The following LAMA4 variants were observed in gnomAD, a reference collection of about 807,000 sequenced individuals.
LAMA4 encodes laminin subunit alpha 4.
In LAMA4, 127 loss-of-function variants were observed where a neutral mutation model predicts 207.1. That is an observed-to-expected ratio of 0.61 (90% CI 0.53 to 0.71). The LOEUF is 0.71. Ranked by LOEUF, LAMA4 falls within the 30% of genes least tolerant of loss-of-function variation. LAMA4 has a pLI of 0.00. For missense variants in LAMA4, 2,093 were observed against 2,246.5 expected (o/e 0.93, Z 1.38); for synonymous variants, 761 against 816.0 (o/e 0.93, Z 1.15).
At chr6:112,165,980 A>G (rs1330507445) in intron 12 of LAMA4, among the ~76,000 whole-genome samples, 1 of 152,220 alleles carries the variant, frequency 6.6e-6, no homozygotes, top group African/African-American at 2.4e-5. Context: ...TGAAAGAAAC[A>G]TAGAAAGAAA....
At chr6:112,116,042 G>T in intron 35 of LAMA4, 49 bp from the exon 36 acceptor site, 3 of 1,540,304 alleles carry the variant, frequency 1.9e-6, no homozygotes, top group Non-Finnish European at 1.8e-6. Context: ...GATCATATTT[G>T]TAACTATGGT....
chr6:112,227,882 G>A (rs2115116093), intron 2 of LAMA4, among the ~76,000 whole-genome samples: 1 of 151,968 alleles, frequency 6.6e-6, no homozygotes, highest in South Asian at 2.1e-4. Flanking sequence ...GGCTACATGT[G>A]CAACTCAAAG....
intron 30 of LAMA4, 149 bp from the exon 31 acceptor site, chr6:112,129,224 C>A: frequency 1.5e-6 from 1 of 661,578 alleles, no homozygotes; most frequent in Non-Finnish European, 2.6e-6. Context: ...GGTCCTTACC[C>A]ATCAACCACT....
chr6:112,241,152 T>TATATATACTC (rs1554187614), intron 2 of LAMA4, among the ~76,000 whole-genome samples: 1 of 98,486 alleles, frequency 1.0e-5, no homozygotes, highest in Non-Finnish European at 2.0e-5. Flanking sequence ...TATATATGAA[T>TATATATACTC]ATATATATGA....
intron 2 of LAMA4, among the ~76,000 whole-genome samples, chr6:112,250,236 T>C (rs1554189515): frequency 6.6e-6 from 1 of 152,172 alleles, no homozygotes; most frequent in Non-Finnish European, 1.5e-5. Flanking sequence ...TCAAAGCAAG[T>C]GACCAAGATA....
At position 112,253,728 on chromosome 6, in the gene LAMA4, C is replaced by A. The variant is rs1441116083; in HGVS notation, c.195+228G>T. The stretch of plus-strand genomic sequence containing the variant: ...CAGAGCACCAACACATGCACTCTCA[C>A]CCCTTTGAGCAGACACATTCCGAAG... On this transcript the variant is annotated intron_variant, in intron 2 of 38. Transcript: ENST00000230538. The A allele has an allele frequency of 3.1e-6, 5 of 1,611,782 alleles. No homozygotes were observed. In the African/African-American group the frequency reaches 5.3e-5, roughly 17 times the overall value.
intron 24 of LAMA4, among the ~76,000 whole-genome samples, chr6:112,138,553 T>C (rs1344144506): frequency 6.6e-6 from 1 of 152,128 alleles, no homozygotes; most frequent in African/African-American, 2.4e-5. Flanking sequence ...GAGAAAAACA[T>C]TTCTGTATCA....
chr6:112,250,012 G>A (rs550921437), intron 2 of LAMA4, among the ~76,000 whole-genome samples: 1 of 152,290 alleles, frequency 6.6e-6, no homozygotes, highest in Admixed American at 6.5e-5. Flanking sequence ...TGAGGGCAAA[G>A]ATGAGACTAT....
At chr6:112,237,716 C>T (rs2114325564) in intron 2 of LAMA4, among the ~76,000 whole-genome samples, 1 of 152,318 alleles carries the variant, frequency 6.6e-6, no homozygotes, top group East Asian at 1.9e-4. Flanking sequence ...TCTCCTTCAT[C>T]CTTACTCTTC....
At chr6:112,221,940 T>C (rs528642464) in intron 2 of LAMA4, among the ~76,000 whole-genome samples, 1 of 152,340 alleles carries the variant, frequency 6.6e-6, no homozygotes, top group South Asian at 2.1e-4. Context: ...CACAAGCCAT[T>C]TTTTTCTGTG....
rs147016335 is a variant in LAMA4 at position 112,207,088 on chromosome 6, C to T, written c.355G>A (p.Gly119Arg). Residue 119 changes from glycine (G) to arginine (R), a missense_variant, in exon 4 of 39, where the codon GGA becomes AGA. This residue lies in a region of LAMA4 where 1,704 missense variants were observed against 1,788.4 expected (regional missense o/e 0.95). Coordinates refer to ENST00000230538, the MANE Select transcript of LAMA4 (RefSeq NM_001105206.3). Reference sequence around the variant, plus strand: ...TGGGGTGCTCCCCTGATGGAATCTCCGATATAACCATCCAGACACTTTTCA... The same window carrying T: ...TGGGGTGCTCCCCTGATGGAATCTCTGATATAACCATCCAGACACTTTTCA... ...HCEKCLDGYI[G>R]DSIRGAPQFC... 27 of 1,613,924 alleles carry T rather than the reference C, an allele frequency of 1.7e-5. No individual in the cohort carries two copies. Among genetic ancestry groups the T allele is most frequent in the African/African-American group, 2.7e-5 (2 of 75,002 alleles).
intron 2 of LAMA4, among the ~76,000 whole-genome samples, chr6:112,239,321 C>CAAAAAAAAA (rs1202967086): frequency 2.6e-5 from 2 of 78,250 alleles, no homozygotes; most frequent in Non-Finnish European, 4.9e-5. Context: ...GACTCCATCT[C>CAAAAAAAAA]AAAAAAAAAA....
Position 112,134,574 on chromosome 6 carries a change from G to A in LAMA4, c.3450C>T (p.Ile1150=). The change falls in exon 26 of 39, where the codon ATC becomes ATT. Residue 1150 remains isoleucine, a synonymous_variant. Transcript: ENST00000230538. Reference sequence around the variant, plus strand: ...TGACATGCCTTCTGTCAACTACCAAGATCATTTTCTTATCATTGTGGTAAA... The same window carrying A: ...TGACATGCCTTCTGTCAACTACCAAAATCATTTTCTTATCATTGTGGTAAA... ...SIIYHNDKKM[I]LVVDRRHVKS... The A allele has an allele frequency of 1.2e-6, 2 of 1,610,650 alleles. No individual in the cohort carries two copies. The highest frequency in any genetic ancestry group is 2.2e-5 in the South Asian group (2 of 91,010).
chr6:112,184,629 T>C (rs1782576916), intron 9 of LAMA4, among the ~76,000 whole-genome samples: 1 of 152,212 alleles, frequency 6.6e-6, no homozygotes, highest in Non-Finnish European at 1.5e-5. Context: ...TTATTGAAAT[T>C]CTTTATGTTG....
chr6:112,218,223 T>A (rs781855006), intron 2 of LAMA4: 1 of 152,326 alleles, frequency 6.6e-6, no homozygotes, highest in East Asian at 1.9e-4. Flanking sequence ...GCCTCTTAAA[T>A]GGTGGTTTCT....
rs782345019 is a variant in LAMA4, at chr6:112,150,514, T to C, written c.2170A>G (p.Arg724Gly). ...DAVKQLQAAE[R>G]GDAQQRLGQS... is the part of the protein sequence containing the mutation. ...TTCAATTCTCTCTGATGCTTACCTC[T>C]CTCTGCTGCTTGTAGTTGCTTAACG... The change falls in exon 17 of 39, where the codon AGA becomes GGA. Residue 724 changes from arginine (R) to glycine (G), a missense_variant. Around this residue, in one of 3 missense-constraint regions of LAMA4, gnomAD observed 1,704 missense variants for 1,788.4 expected, o/e 0.95. Coordinates refer to ENST00000230538, the MANE Select transcript of LAMA4 (RefSeq NM_001105206.3). The C allele has an allele frequency of 5.0e-6, 8 of 1,595,144 alleles. No homozygotes were observed. In the South Asian group the frequency reaches 8.8e-5, roughly 18 times the overall value.
intron 10 of LAMA4, among the ~76,000 whole-genome samples, chr6:112,176,376 G>A (rs1482974401): frequency 6.6e-6 from 1 of 152,214 alleles, no homozygotes; most frequent in Non-Finnish European, 1.5e-5. Context: ...GAAATTGCGT[G>A]TCTGTGGTTT....
chr6:112,155,387 G>A, intron 15 of LAMA4, 178 bp downstream of exon 15: 4 of 666,278 alleles, frequency 6.0e-6, no homozygotes, highest in South Asian at 1.9e-5. Context: ...AGCACATCTC[G>A]AAGAATCTGC....
intron 13 of LAMA4, chr6:112,164,128 T>C (rs1781251216): frequency 1.3e-5 from 2 of 152,410 alleles, no homozygotes; most frequent in East Asian, 1.9e-4. Context: ...GGTATGGCCA[T>C]GGTGCTGGGG....
Sources: allele counts gnomAD v4.1 joint callset (sites outside exome capture counted in the v4.1 genomes callset), GRCh38; gene constraint gnomAD v4.1.1; regional missense constraint gnomAD v4.1.1; transcripts MANE v1.5; gene names NCBI Gene and HGNC (gene_info 2026-07-23, HGNC 2026-07-21).